The following DOCK5 variants were observed in gnomAD, a reference collection of about 807,000 sequenced individuals.
DOCK5 encodes the protein dedicator of cytokinesis 5.
In DOCK5, 142 loss-of-function variants were observed where a neutral mutation model predicts 251.8. That is an observed-to-expected ratio of 0.56 (90% confidence interval 0.49 to 0.65). The LOEUF (loss-of-function observed/expected upper bound fraction) is 0.65, where lower values mean the gene tolerates loss of function less well. Ranked by LOEUF, DOCK5 falls within the 30% of genes least tolerant of loss-of-function variation. The pLI, the probability that DOCK5 is intolerant of heterozygous loss-of-function variation, is 0.00. For missense variants in DOCK5, 2,111 were observed against 2,312.3 expected, an observed-to-expected ratio of 0.91 and a Z score of 1.79; for synonymous variants, 842 against 835.5, an observed-to-expected ratio of 1.01 and a Z score of -0.13.
intron 13 of DOCK5, among the ~76,000 whole-genome samples, chr8:25,311,582 T>C (rs1368354275): frequency 6.9e-6 from 1 of 145,748 alleles, no homozygotes; most frequent in Non-Finnish European, 1.5e-5. Flanking sequence ...AACCATACCA[T>C]GTTAGAAAAA....
intron 36 of DOCK5, 138 bp downstream of exon 36, chr8:25,373,796 C>T (rs2117289227): frequency 3.9e-6 from 3 of 763,902 alleles, no homozygotes; most frequent in East Asian, 5.6e-5. Context: ...GCTCCATTCA[C>T]CCTGAACCGA....
intron 30 of DOCK5, among the ~76,000 whole-genome samples, chr8:25,366,226 C>G (rs919233349): frequency 5.9e-5 from 9 of 152,292 alleles, no homozygotes; most frequent in African/African-American, 1.9e-4. Context: ...CACGGTGGCT[C>G]ACGCCTATAG....
intron 1 of DOCK5, among the ~76,000 whole-genome samples, chr8:25,185,720 T>G (rs766036506): frequency 2.0e-5 from 3 of 152,132 alleles, no homozygotes; most frequent in Non-Finnish European, 4.4e-5. Flanking sequence ...CACTTGGCAT[T>G]CAGAACAGCG....
chr8:25,202,004 A>C (rs1227505230), intron 1 of DOCK5, among the ~76,000 whole-genome samples: 1 of 152,078 alleles, frequency 6.6e-6, no homozygotes, highest in South Asian at 2.1e-4. Flanking sequence ...TGGGAAAAAA[A>C]CATATATATA....
chr8:25,199,380 CTTTTTTTTTT>C (rs564264937), intron 1 of DOCK5, among the ~76,000 whole-genome samples: 1 of 117,884 alleles, frequency 8.5e-6, no homozygotes, highest in African/African-American at 3.3e-5. Context: ...CCGCTCTGTT[CTTTTTTTTTT>C]TTTTTTTTTG....
intron 43 of DOCK5, 128 bp downstream of exon 43, chr8:25,392,108 C>T: frequency 1.2e-6 from 1 of 850,236 alleles, no homozygotes; most frequent in Non-Finnish European, 1.8e-6. Flanking sequence ...TCGAGACCAT[C>T]CTGGCTAATA....
chr8:25,257,436 T>A (rs1220140625), intron 2 of DOCK5, among the ~76,000 whole-genome samples: 3 of 152,200 alleles, frequency 2.0e-5, no homozygotes, highest in Admixed American at 2.0e-4. Flanking sequence ...GGAATCCTAG[T>A]ATATTGTTCT....
intron 1 of DOCK5, among the ~76,000 whole-genome samples, chr8:25,221,616 A>G (rs1802393136): frequency 6.6e-6 from 1 of 152,120 alleles, no homozygotes; most frequent in African/African-American, 2.4e-5. Flanking sequence ...CCATTCTGCC[A>G]AATCTTAAAT....
intron 5 of DOCK5, 127 bp from the exon 6 acceptor site, chr8:25,291,897 C>CCAAAAG (rs1804498851): frequency 3.5e-6 from 3 of 864,728 alleles, no homozygotes; most frequent in Middle Eastern, 7.6e-4. Context: ...AAAGAATCGG[C>CCAAAAG]CAAAAGATGT....
intron 40 of DOCK5, among the ~76,000 whole-genome samples, chr8:25,384,454 TA>T (rs1415324546): frequency 1.3e-3 from 35 of 27,512 alleles, no homozygotes; most frequent in East Asian, 6.0e-3. Context: ...TTTATTTATT[TA>T]TTTATTTATT....
At position 25,218,957 on chromosome 8, in the gene DOCK5, T is replaced by G. The variant is rs781494310; in HGVS notation, c.44-24717T>G. Among the ~76,000 whole-genome samples, 8 of 152,340 alleles carry G rather than the reference T, an allele frequency of 5.3e-5. No homozygotes were observed. The East Asian group carries it at 5.8e-4, about 11-fold the overall frequency. On this transcript the variant is annotated intron_variant, in intron 1 of 51. Coordinates refer to ENST00000276440, the MANE Select transcript of DOCK5 (RefSeq NM_024940.8). ...GTATCAAGTAACACTTTCCTTCGTC[T>G]TCTTCTCACCCAAATCTCACTGATA...
Position 25,211,950 on chromosome 8 carries a change from G to A in DOCK5, c.43+26999G>A, listed in dbSNP as rs757134482. On this transcript the variant is annotated intron_variant, in intron 1 of 51. Transcript: ENST00000276440. ...CCGAGATGGGCAGATCACAAGGTCA[G>A]GAGATCGACACCATATTGGCTAACA... Among the ~76,000 whole-genome samples, 47 of 69,358 alleles carry A rather than the reference G, an allele frequency of 6.8e-4. 20 individuals are homozygous for A. Among genetic ancestry groups the A allele is most frequent in the Non-Finnish European group, 2.1e-3 (45 of 21,302 alleles). The allele number at this position is 69,358 out of a possible 152,430, so 45.5% of individuals were successfully genotyped here. A position where few individuals can be genotyped will look rare whatever the true frequency, so the allele number is the denominator to read the frequency against.
chr8:25,293,640 A>C (rs916931081), intron 6 of DOCK5, among the ~76,000 whole-genome samples: 1 of 152,144 alleles, frequency 6.6e-6, no homozygotes, highest in Admixed American at 6.6e-5. Flanking sequence ...CTTCCCTATT[A>C]CTTGACCACC....
chr8:25,215,952 C>CAT (rs1289885072), intron 1 of DOCK5, among the ~76,000 whole-genome samples: 1 of 151,310 alleles, frequency 6.6e-6, no homozygotes, highest in African/African-American at 2.4e-5. Flanking sequence ...CACACACACA[C>CAT]ACACACACAC....
At chr8:25,294,573 C>A (rs527513941) in intron 6 of DOCK5, among the ~76,000 whole-genome samples, 1 of 152,130 alleles carries the variant, frequency 6.6e-6, no homozygotes, top group Non-Finnish European at 1.5e-5. Flanking sequence ...ATTGCACCCA[C>A]GATATGGCCG....
At chr8:25,258,070 C>T (rs962235213) in intron 2 of DOCK5, among the ~76,000 whole-genome samples, 2 of 152,128 alleles carry the variant, frequency 1.3e-5, no homozygotes, top group African/African-American at 4.8e-5. Context: ...TGATGTTGTC[C>T]AGGCTACAGG....
At chr8:25,300,714 A>T in intron 9 of DOCK5, 57 bp downstream of exon 9, 1 of 1,466,364 alleles carries the variant, frequency 6.8e-7, no homozygotes, top group Non-Finnish European at 9.4e-7. Context: ...GCATATTCAC[A>T]TAATGAATAT....
At position 25,340,993 on chromosome 8, in the gene DOCK5, G is replaced by C; in HGVS notation, c.2439+5G>C. On this transcript the variant is annotated splice_donor_5th_base_variant and intron_variant, in intron 23 of 51. Transcript: ENST00000276440. The stretch of plus-strand genomic sequence containing the variant: ...GAGGAAGCCGTCAAGATCAAGGTCA[G>C]CCTGGCAGCATCATGGGTAACTCTT... 6.2e-7 allele frequency: 1 copy of C among 1,606,952 alleles called. No homozygotes were observed. Among genetic ancestry groups the C allele is most frequent in the Non-Finnish European group, 8.5e-7 (1 of 1,175,762 alleles).
At chr8:25,206,943 T>C (rs1335359185) in intron 1 of DOCK5, among the ~76,000 whole-genome samples, 3 of 152,132 alleles carry the variant, frequency 2.0e-5, no homozygotes, top group African/African-American at 7.2e-5. Flanking sequence ...GGGGAGCAGA[T>C]GTGGAGAGAC....
Sources: gnomAD v4.1 joint callset for allele counts (sites outside exome capture counted in the v4.1 genomes callset) on GRCh38, gnomAD v4.1.1 for gene constraint, MANE v1.5 for transcripts, NCBI Gene and HGNC (gene_info 2026-07-23, HGNC 2026-07-21) for gene names.